Variants in METTL8 observed in about 807,000 individuals in gnomAD.
METTL8 encodes tRNA N(3)-cytidine methyltransferase METTL8, mitochondrial.
In METTL8, 32 loss-of-function variants were observed where a neutral mutation model predicts 48.7. That is an observed-to-expected ratio of 0.66 (90% CI 0.50 to 0.88). METTL8 has a LOEUF of 0.88. Among genes scored for constraint, METTL8 ranks in the 40% least tolerant of loss-of-function variants. METTL8 has a pLI of 0.00. For synonymous variants in METTL8, 136 were observed against 157.1 expected (o/e 0.87, Z 1.01); for missense variants, 464 against 474.4 (o/e 0.98, Z 0.20).
intron 2 of METTL8, among the ~76,000 whole-genome samples, chr2:171,389,553 A>AGTG (rs1371939716): frequency 6.8e-6 from 1 of 147,782 alleles, no homozygotes; most frequent in Non-Finnish European, 1.5e-5. Context: ...ATGCTGCTCC[A>AGTG]GTGAATACAT....
chr2:171,431,933 G>A (rs1693072914), intron 1 of METTL8, among the ~76,000 whole-genome samples: 1 of 152,230 alleles, frequency 6.6e-6, no homozygotes, highest in Non-Finnish European at 1.5e-5. Flanking sequence ...AGCCCACTGT[G>A]GGAGTCACTT....
At chr2:171,364,914 C>T (rs1275329055) in intron 2 of METTL8, among the ~76,000 whole-genome samples, 1 of 152,066 alleles carries the variant, frequency 6.6e-6, no homozygotes, top group Non-Finnish European at 1.5e-5. Context: ...ACAAATTTGA[C>T]AAATGTATTA....
intron 4 of METTL8, among the ~76,000 whole-genome samples, chr2:171,338,046 T>C (rs1461965290): frequency 6.6e-6 from 1 of 152,202 alleles, no homozygotes; most frequent in East Asian, 1.9e-4. Flanking sequence ...AAGTGGGCAA[T>C]ATGTTTTAAA....
intron 3 of METTL8, among the ~76,000 whole-genome samples, chr2:171,351,183 C>T (rs1279181628): frequency 6.6e-6 from 1 of 152,216 alleles, no homozygotes; most frequent in Non-Finnish European, 1.5e-5. Context: ...TCTAATATGG[C>T]TAGCCAGTTT....
At chr2:171,434,386 G>A (rs776039653), upstream of METTL8, 1 of 941,722 alleles carries the variant, frequency 1.1e-6, no homozygotes, top group South Asian at 1.4e-5. Flanking sequence ...GCGCTCTGGC[G>A]GTGCAAGCGG....
At chr2:171,418,726 G>C (rs566949116) in intron 1 of METTL8, among the ~76,000 whole-genome samples, 4 of 152,192 alleles carry the variant, frequency 2.6e-5, no homozygotes, top group African/African-American at 9.6e-5. Context: ...GGCCGAAGCT[G>C]GAGGATCACC....
Position 171,384,116 on chromosome 2 carries a change from A to G in METTL8, c.143+7927T>C, listed in dbSNP as rs144885490. On this transcript the variant is annotated intron_variant, in intron 2 of 9. Coordinates refer to ENST00000375258, the MANE Select transcript of METTL8 (RefSeq NM_001321154.2). ...ATATCATTCAGCCATAAAAAGAACA[A>G]AGTGCCAATACATGCTGCAAGGTAT... is the stretch of plus-strand genomic sequence containing the variant. Among the ~76,000 whole-genome samples, 6 of 152,368 alleles carry G rather than the reference A, an allele frequency of 3.9e-5. No individual in the cohort carries two copies. The East Asian group carries it at 1.2e-3, about 29-fold the overall frequency.
intron 2 of METTL8, among the ~76,000 whole-genome samples, chr2:171,378,859 A>G (rs1262222590): frequency 6.6e-6 from 1 of 152,148 alleles, no homozygotes; most frequent in Non-Finnish European, 1.5e-5. Flanking sequence ...CAAGACAGAA[A>G]ATTAACAAGG....
In METTL8 at chr2:171,317,497, T is replaced by G. The variant is rs753392581; in HGVS notation, c.*6675A>C. The G allele has an allele frequency of 6.6e-6, 1 of 152,364 alleles. No homozygotes were observed. The highest frequency in any genetic ancestry group is 1.5e-5 in the Non-Finnish European group (1 of 68,136). The allele number at this position is 152,364 out of a possible 1,614,324, so 9.4% of individuals were successfully genotyped here. A position where few individuals can be genotyped will look rare whatever the true frequency, so the allele number is the denominator to read the frequency against. On this transcript the variant is annotated 3_prime_UTR_variant, in exon 10 of 10. Transcript: ENST00000375258. ...GCCCTGGATCTACTCAGTGCCTACC[T>G]GCTGGAGAAAATCAAAGATAAAGAC...
intron 1 of METTL8, among the ~76,000 whole-genome samples, chr2:171,397,124 A>T (rs1465770949): frequency 6.6e-6 from 1 of 151,776 alleles, no homozygotes; most frequent in Non-Finnish European, 1.5e-5. Flanking sequence ...GCCTGGCCTC[A>T]GCTTCTATCT....
rs2356707 is a variant in METTL8, at chr2:171,317,641, A to C, written c.*6531T>G. 118,346 of 151,686 alleles carry C rather than the reference A, an allele frequency of 0.78. 46,334 individuals carry two copies. Among genetic ancestry groups the C allele is most frequent in the East Asian group, 1 (5,162 of 5,170 alleles). 9.4% of individuals were successfully genotyped at this position (151,686 alleles called of 1,614,324 possible). ...TAACGTGTATTTATTCATTCAGCTA[A>C]CTCTAGCTGTTCCTTACTTAAGGTT... On this transcript the variant is annotated 3_prime_UTR_variant, in exon 10 of 10. Coordinates refer to ENST00000375258, the MANE Select transcript of METTL8 (RefSeq NM_001321154.2).
chr2:171,405,034 C>T (rs1690037013), intron 1 of METTL8, among the ~76,000 whole-genome samples: 3 of 152,074 alleles, frequency 2.0e-5, no homozygotes, highest in Non-Finnish European at 4.4e-5. Flanking sequence ...GCTTGCATGG[C>T]TGAGTAGATG....
intron 2 of METTL8, among the ~76,000 whole-genome samples, chr2:171,382,925 T>A (rs1304706003): frequency 1.3e-5 from 2 of 151,626 alleles, no homozygotes; most frequent in Non-Finnish European, 2.9e-5. Flanking sequence ...ATACAAAAAA[T>A]TAGCCAGGTG....
chr2:171,371,005 T>A (rs1376197677), intron 2 of METTL8, among the ~76,000 whole-genome samples: 5 of 152,206 alleles, frequency 3.3e-5, no homozygotes, highest in Admixed American at 1.3e-4. Context: ...TTAAGTACTC[T>A]GAAATTATAA....
chr2:171,404,430 C>T (rs935425169), intron 1 of METTL8, among the ~76,000 whole-genome samples: 3 of 151,950 alleles, frequency 2.0e-5, no homozygotes, highest in Non-Finnish European at 4.4e-5. Flanking sequence ...TGATGACTAC[C>T]GGGTAGTTAG....
At chr2:171,359,785 G>A (rs1314266660) in intron 3 of METTL8, among the ~76,000 whole-genome samples, 1 of 151,924 alleles carries the variant, frequency 6.6e-6, no homozygotes, top group Admixed American at 6.6e-5. Flanking sequence ...GCTAATTTTT[G>A]TTATTTTTAG....
At chr2:171,385,443 A>G (rs1466195522) in intron 2 of METTL8, among the ~76,000 whole-genome samples, 1 of 152,182 alleles carries the variant, frequency 6.6e-6, no homozygotes, top group Non-Finnish European at 1.5e-5. Flanking sequence ...TTGGACTTGA[A>G]GGATGGGGAG....
chr2:171,364,360 C>A (rs903190294), intron 2 of METTL8, among the ~76,000 whole-genome samples: 2 of 151,754 alleles, frequency 1.3e-5, no homozygotes, highest in Non-Finnish European at 2.9e-5. Flanking sequence ...GAGGAAAAAG[C>A]CATCAACCCT....
chr2:171,340,568 T>C (rs6734900), intron 3 of METTL8, among the ~76,000 whole-genome samples: 51,465 of 148,398 alleles, frequency 0.35, 8,913 homozygotes, highest in Middle Eastern at 0.46. Flanking sequence ...CAAAAATTAA[T>C]AAATAAACAA....
Sources: gnomAD v4.1 joint callset for allele counts (sites outside exome capture counted in the v4.1 genomes callset) on GRCh38, gnomAD v4.1.1 for gene constraint, MANE v1.5 for transcripts, NCBI Gene and HGNC (gene_info 2026-07-23, HGNC 2026-07-21) for gene names.